DEPTOR: variants seen among roughly 807,000 people sequenced by gnomAD.
DEPTOR encodes DEP domain-containing mTOR-interacting protein.
Under a neutral mutation model 41.6 loss-of-function variants are expected in DEPTOR, and 41 were observed. The observed-to-expected ratio is 0.98, with a 90% confidence interval of 0.77 to 1.28. The LOEUF (loss-of-function observed/expected upper bound fraction) is 1.28. DEPTOR is among the 50% of genes most tolerant of loss of function. The pLI is 0.00. For missense variants in DEPTOR, 514 were observed against 527.9 expected (o/e 0.97, Z 0.26); for synonymous variants, 195 against 192.3 (o/e 1.01, Z -0.12).
At chr8:120,003,908 G>A (rs966986461) in intron 6 of DEPTOR, among the ~76,000 whole-genome samples, 10 of 152,116 alleles carry the variant, frequency 6.6e-5, no homozygotes, top group Non-Finnish European at 4.4e-5. Flanking sequence ...GTCCTCACTT[G>A]CCAGGATGAG....
intron 1 of DEPTOR, among the ~76,000 whole-genome samples, chr8:119,889,603 TGGGGAGGGGACGGGAGGGGAGGGAA>T (rs1827421670): frequency 4.1e-5 from 1 of 24,362 alleles, no homozygotes; most frequent in Non-Finnish European, 8.2e-5. Flanking sequence ...GGTGGGGAGG[TGGGGAGGGGACGGGAGGGGAGGGAA>T]GGGAAGGGGA....
intron 4 of DEPTOR, among the ~76,000 whole-genome samples, chr8:119,972,908 T>G (rs1360304470): frequency 1.3e-5 from 2 of 152,186 alleles, no homozygotes; most frequent in Non-Finnish European, 2.9e-5. Flanking sequence ...TTGAGATTTT[T>G]GGGTAACATT....
chr8:119,937,261 G>A (rs545279555), intron 3 of DEPTOR, among the ~76,000 whole-genome samples: 5 of 151,564 alleles, frequency 3.3e-5, no homozygotes, highest in South Asian at 4.2e-4. Context: ...TTAGCCAGGC[G>A]TGGTGATGGG....
At chr8:119,874,937 A>G (rs1827213151) in intron 1 of DEPTOR, among the ~76,000 whole-genome samples, 1 of 152,096 alleles carries the variant, frequency 6.6e-6, no homozygotes, top group Non-Finnish European at 1.5e-5. Context: ...TGTTACTTCT[A>G]GTTCTTAGCC....
At chr8:119,878,820 G>T (rs1310123565) in intron 1 of DEPTOR, among the ~76,000 whole-genome samples, 1 of 151,834 alleles carries the variant, frequency 6.6e-6, no homozygotes, top group Non-Finnish European at 1.5e-5. Context: ...TCTTAAAGAT[G>T]CATTTGGGGC....
At chr8:119,963,445 G>A (rs1828517562) in intron 3 of DEPTOR, among the ~76,000 whole-genome samples, 1 of 152,022 alleles carries the variant, frequency 6.6e-6, no homozygotes. Flanking sequence ...CTGCCTCTGG[G>A]TCAAGCAACT....
intron 1 of DEPTOR, among the ~76,000 whole-genome samples, chr8:119,923,561 T>C (rs1318615325): frequency 6.6e-6 from 1 of 152,218 alleles, no homozygotes; most frequent in African/African-American, 2.4e-5. Context: ...TAATTGCTTT[T>C]TCTTCTTTAT....
chr8:119,969,625 G>T (rs567701552), intron 4 of DEPTOR, among the ~76,000 whole-genome samples: 3 of 152,134 alleles, frequency 2.0e-5, no homozygotes, highest in Non-Finnish European at 4.4e-5. Context: ...CAAAGTGCTG[G>T]GATTACAGGC....
At chr8:119,887,833 T>C (rs2063652894) in intron 1 of DEPTOR, among the ~76,000 whole-genome samples, 1 of 151,558 alleles carries the variant, frequency 6.6e-6, no homozygotes, top group Admixed American at 6.6e-5. Context: ...TTTGTTTTGT[T>C]TTTTGGACAC....
intron 1 of DEPTOR, among the ~76,000 whole-genome samples, chr8:119,921,748 G>GTTTTTTTTTT (rs1282897659): frequency 6.9e-5 from 9 of 131,174 alleles, no homozygotes; most frequent in African/African-American, 1.5e-4. Context: ...CTATTCTGTA[G>GTTTTTTTTTT]TTTTTTTTTT....
At chr8:119,971,095 G>T (rs1020585970) in intron 4 of DEPTOR, among the ~76,000 whole-genome samples, 2 of 152,046 alleles carry the variant, frequency 1.3e-5, no homozygotes, top group Non-Finnish European at 1.5e-5. Context: ...AGCCGGGCAT[G>T]GTGGCAGGCG....
intron 1 of DEPTOR, 80 bp from the exon 2 acceptor site, chr8:119,928,320 A>G (rs753241525): frequency 4.1e-6 from 6 of 1,451,268 alleles, no homozygotes; most frequent in Non-Finnish European, 5.6e-6. Context: ...AACTTCTGTT[A>G]TGTTATTACT....
At chr8:119,966,454 A>G (rs1828563013) in intron 4 of DEPTOR, among the ~76,000 whole-genome samples, 1 of 152,136 alleles carries the variant, frequency 6.6e-6, no homozygotes, top group South Asian at 2.1e-4. Flanking sequence ...TGCCCTCTGA[A>G]GGTTTGCTGA....
chr8:119,914,109 G>A (rs561986432), intron 1 of DEPTOR, among the ~76,000 whole-genome samples: 8 of 150,100 alleles, frequency 5.3e-5, no homozygotes, highest in African/African-American at 1.7e-4. Flanking sequence ...GCAGTGGCAT[G>A]ATCTTGGCTC....
intron 8 of DEPTOR, among the ~76,000 whole-genome samples, chr8:120,029,535 A>G (rs1223001853): frequency 2.0e-5 from 3 of 152,082 alleles, no homozygotes; most frequent in East Asian, 1.9e-4. Flanking sequence ...AGCTGGGACT[A>G]TAGGTGCACA....
At chr8:119,940,736 C>G (rs1192188268) in intron 3 of DEPTOR, among the ~76,000 whole-genome samples, 3 of 151,842 alleles carry the variant, frequency 2.0e-5, no homozygotes, top group Non-Finnish European at 4.4e-5. Flanking sequence ...GAAACTCCGT[C>G]TCAAATTAAA....
intron 1 of DEPTOR, among the ~76,000 whole-genome samples, chr8:119,878,295 A>G (rs189805586): frequency 1.6e-4 from 23 of 147,824 alleles, no homozygotes; most frequent in African/African-American, 5.2e-4. Context: ...GATTACAGGC[A>G]TGAGCTGCAC....
At position 119,954,058 on chromosome 8, in the gene DEPTOR, G is replaced by A. The variant is rs377489935; in HGVS notation, c.426-11174G>A. ...TGACCTCAGGTGATCCACCCGCCTT[G>A]GCCTCCCAAAGTGCTGTGATTACAG... is the stretch of plus-strand genomic sequence containing the variant. On this transcript the variant is annotated intron_variant, in intron 3 of 8. Coordinates refer to ENST00000286234, the MANE Select transcript of DEPTOR (RefSeq NM_022783.4). 2.9e-3 allele frequency among the ~76,000 whole-genome samples: 446 copies of A among 152,124 alleles called. 1 individual carries two copies. The highest frequency in any genetic ancestry group is 0.01 in the African/African-American group (426 of 41,504).
rs540495209 is a variant in DEPTOR, at chr8:119,981,466, G to A, written c.604+16056G>A. 2.6e-5 allele frequency among the ~76,000 whole-genome samples: 4 copies of A among 151,558 alleles called. No homozygotes were observed. In the South Asian group the frequency reaches 6.3e-4, roughly 24 times the overall value. On this transcript the variant is annotated intron_variant, in intron 4 of 8. Transcript: ENST00000286234. The stretch of plus-strand genomic sequence containing the variant: ...AGGCCAGGAATTCAAGACAAGCCTG[G>A]GCAACACAGTGAAACTCCATCTCTA...
Sources: gnomAD v4.1 joint callset for allele counts (sites outside exome capture counted in the v4.1 genomes callset) on GRCh38, gnomAD v4.1.1 for gene constraint, MANE v1.5 for transcripts, NCBI Gene and HGNC (gene_info 2026-07-23, HGNC 2026-07-21) for gene names.